The following HDAC5 variants were observed in gnomAD, a reference collection of about 807,000 sequenced individuals.
HDAC5 encodes the protein histone deacetylase 5.
In HDAC5, 25 loss-of-function variants were observed where a neutral mutation model predicts 133.3. The observed-to-expected ratio is 0.19, with a 90% confidence interval of 0.14 to 0.26. The LOEUF (loss-of-function observed/expected upper bound fraction) is 0.26, where lower values mean the gene tolerates loss of function less well. HDAC5 is among the 10% of genes least tolerant of loss of function. The pLI is 1.00. For missense variants in HDAC5, 1,041 were observed against 1,460.5 expected (o/e 0.71, Z 4.68); for synonymous variants, 589 against 610.8 (o/e 0.96, Z 0.53).
rs2050175966 is a variant in HDAC5, at chr17:44,077,565, C to A, written c.*811G>T. ...CTGCAGGGACCACCTTCTCCCCTTG[C>A]CCAGGCTGTGCCAGCAGAGGGGCAG... On this transcript the variant is annotated 3_prime_UTR_variant, in exon 27 of 27. Transcript: ENST00000682912. 1 of 152,298 alleles carries A rather than the reference C, an allele frequency of 6.6e-6. No homozygotes were observed. The highest frequency in any genetic ancestry group is 1.5e-5 in the Non-Finnish European group (1 of 68,088). 9.4% of individuals were successfully genotyped at this position (152,298 alleles called of 1,614,324 possible). A position where few individuals can be genotyped will look rare whatever the true frequency, so the allele number is the denominator to read the frequency against.
chr17:44,079,696 G>A (rs1449615289), intron 23 of HDAC5, among the ~76,000 whole-genome samples: 1 of 151,528 alleles, frequency 6.6e-6, no homozygotes, highest in Non-Finnish European at 1.5e-5. Flanking sequence ...ACAAGAGGTG[G>A]GACAAATAGC....
In HDAC5 at chr17:44,091,265, C is replaced by T. The variant is rs1302837939; in HGVS notation, c.1387+5G>A. ...CCTCCCTTGCACAGCTACCTGTCCA[C>T]TCACCAGCAATGAGGGTGCTCTGCT... On this transcript the variant is annotated splice_donor_5th_base_variant and intron_variant, in intron 11 of 26. Coordinates refer to ENST00000682912, the MANE Select transcript of HDAC5 (RefSeq NM_005474.5). 1 of 1,607,558 alleles carries T rather than the reference C, an allele frequency of 6.2e-7. No homozygotes were observed. Among genetic ancestry groups the T allele is most frequent in the Non-Finnish European group, 8.5e-7 (1 of 1,177,390 alleles).
chr17:44,101,154 C>T (rs559830385), intron 3 of HDAC5, among the ~76,000 whole-genome samples: 1 of 148,832 alleles, frequency 6.7e-6, no homozygotes, highest in East Asian at 2.1e-4. Flanking sequence ...GCCTGTAATC[C>T]CAGCACTTTG....
In HDAC5 at chr17:44,108,758, AAAACAAAAAAAAAAC is replaced by A. The variant is rs1175705430; in HGVS notation, c.94+1956_94+1970del. Reference sequence around the variant, plus strand: ...TATTTACATTCCAGAGTCCAAAAAAAAAACAAAAAAAAAACAAAAAAAAAACAAGGCTGCCGAGCT... The same window carrying A: ...TATTTACATTCCAGAGTCCAAAAAAAAAAAAAAAAACAAGGCTGCCGAGCT... On this transcript the variant is annotated intron_variant, in intron 3 of 26. Coordinates refer to ENST00000682912, the MANE Select transcript of HDAC5 (RefSeq NM_005474.5). 3.2e-4 allele frequency among the ~76,000 whole-genome samples: 43 copies of A among 135,746 alleles called. 1 individual carries two copies. Among genetic ancestry groups the A allele is most frequent in the African/African-American group, 1.3e-3 (42 of 33,088 alleles). The allele number at this position is 135,746 out of a possible 152,430, so 89.1% of individuals were successfully genotyped here.
intron 12 of HDAC5, among the ~76,000 whole-genome samples, 165 bp from the exon 13 acceptor site, chr17:44,087,861 T>G (rs1002026969): frequency 4.5e-4 from 68 of 152,154 alleles, no homozygotes; most frequent in Non-Finnish European, 1.2e-4. Context: ...TTTTTTTTTT[T>G]GAGACAGAGT....
intron 9 of HDAC5, 145 bp from the exon 10 acceptor site, chr17:44,091,976 G>A: frequency 1.9e-6 from 2 of 1,068,608 alleles, no homozygotes; most frequent in East Asian, 2.5e-5. Context: ...TGAGCCATCA[G>A]GGCTCTTCAT....
intron 14 of HDAC5, 91 bp from the exon 15 acceptor site, chr17:44,085,246 G>T: frequency 7.5e-7 from 1 of 1,338,736 alleles, no homozygotes. Flanking sequence ...TCATGGAGCT[G>T]TCTCCAACCC....
Position 44,077,498 on chromosome 17 carries a change from T to C in HDAC5, c.*878A>G, listed in dbSNP as rs1326889702. 6.6e-6 allele frequency: 1 copy of C among 152,326 alleles called. No homozygotes were observed. Among genetic ancestry groups the C allele is most frequent in the African/African-American group, 2.4e-5 (1 of 41,454 alleles). The allele number at this position is 152,326 out of a possible 1,614,324, so 9.4% of individuals were successfully genotyped here. The stretch of plus-strand genomic sequence containing the variant: ...AGCATGCTGGATGGCTGGGAAAATC[T>C]GGTCCTGACAGCAGGGGGGCTCTCA... On this transcript the variant is annotated 3_prime_UTR_variant, in exon 27 of 27. Coordinates refer to ENST00000682912, the MANE Select transcript of HDAC5 (RefSeq NM_005474.5).
chr17:44,118,172 G>A (rs1356367463), intron 1 of HDAC5, among the ~76,000 whole-genome samples: 1 of 152,196 alleles, frequency 6.6e-6, no homozygotes, highest in Admixed American at 6.5e-5. Context: ...GTCTTCTCCC[G>A]ACTTTCTGAT....
At chr17:44,089,931 CAAAAAAAAAA>C (rs386386141) in intron 11 of HDAC5, among the ~76,000 whole-genome samples, 5 of 86,602 alleles carry the variant, frequency 5.8e-5, no homozygotes, top group Admixed American at 5.5e-4. Context: ...GATTCTGTCT[CAAAAAAAAAA>C]AAAAAAAAAG....
intron 3 of HDAC5, among the ~76,000 whole-genome samples, chr17:44,097,704 C>T (rs939667677): frequency 3.3e-5 from 5 of 152,270 alleles, no homozygotes; most frequent in African/African-American, 9.6e-5. Flanking sequence ...CCGGCAATGC[C>T]GGGGTTGTAG....
At position 44,083,792 on chromosome 17, in the gene HDAC5, A is replaced by C; in HGVS notation, c.2355+13T>G. The C allele has an allele frequency of 6.8e-7, 1 of 1,465,294 alleles. No homozygotes were observed. The highest frequency in any genetic ancestry group is 1.1e-5 in the South Asian group (1 of 88,218). 90.8% of individuals were successfully genotyped at this position (1,465,294 alleles called of 1,614,324 possible). On this transcript the variant is annotated intron_variant, in intron 17 of 26. Transcript: ENST00000682912. The stretch of plus-strand genomic sequence containing the variant: ...GCCGCCCGCCCACCCCCACTGCTGT[A>C]CGCCCTACTCACCCCGATGCCCCCA...
chr17:44,088,264 C>G, intron 12 of HDAC5, 123 bp downstream of exon 12: 1 of 1,419,250 alleles, frequency 7.0e-7, no homozygotes, highest in Non-Finnish European at 9.3e-7. Context: ...CTGCCCACCT[C>G]GGCCTCCCAA....
chr17:44,079,060 T>G, intron 24 of HDAC5, 84 bp downstream of exon 24: 1 of 1,559,986 alleles, frequency 6.4e-7, no homozygotes, highest in Non-Finnish European at 8.7e-7. Context: ...AAAAGCTTCC[T>G]AAGGGGCTCC....
intron 3 of HDAC5, among the ~76,000 whole-genome samples, chr17:44,103,050 G>A (rs937514330): frequency 6.6e-6 from 1 of 152,086 alleles, no homozygotes; most frequent in African/African-American, 2.4e-5. Flanking sequence ...CAGGCCCTCA[G>A]GACCTCCCTC....
chr17:44,082,873 GAGGGGGTAGCAC>G, intron 18 of HDAC5, 53 bp from the exon 19 acceptor site: 1 of 1,488,220 alleles, frequency 6.7e-7, no homozygotes, highest in Admixed American at 2.0e-5. Flanking sequence ...GAAGGCCGTG[GAGGGGGTAGCAC>G]AGGACAGAAG....
At chr17:44,078,439 G>T (rs1411758840) in intron 26 of HDAC5, 24 bp from the exon 27 acceptor site, 3 of 1,561,596 alleles carry the variant, frequency 1.9e-6, no homozygotes, top group Admixed American at 1.8e-5. Context: ...ACAGGGGAGG[G>T]TATTGAGTGG....
Position 44,078,422 on chromosome 17 carries a change from G to A in HDAC5, c.3330-7C>T. The stretch of plus-strand genomic sequence containing the variant: ...CATGGGCTCCTCTGCCGGCCTGTGG[G>A]GCAAGCACAGGGGAGGGTATTGAGT... On this transcript the variant is annotated splice_polypyrimidine_tract_variant and splice_region_variant and intron_variant, in intron 26 of 26. Coordinates refer to ENST00000682912, the MANE Select transcript of HDAC5 (RefSeq NM_005474.5). The A allele has an allele frequency of 1.3e-6, 2 of 1,537,510 alleles. No homozygotes were observed. The highest frequency in any genetic ancestry group is 1.8e-6 in the Non-Finnish European group (2 of 1,139,986).
chr17:44,119,629 A>G (rs1004182216), intron 1 of HDAC5, among the ~76,000 whole-genome samples: 1 of 152,198 alleles, frequency 6.6e-6, no homozygotes, highest in Non-Finnish European at 1.5e-5. Context: ...GTCCACCTGT[A>G]AAGAGTGTCT....
Sources: allele counts gnomAD v4.1 joint callset (sites outside exome capture counted in the v4.1 genomes callset), GRCh38; gene constraint gnomAD v4.1.1; transcripts MANE v1.5; gene names NCBI Gene and HGNC (gene_info 2026-07-23, HGNC 2026-07-21).